The following POLR3H variants were observed in gnomAD, a reference collection of about 807,000 sequenced individuals.
POLR3H encodes DNA-directed RNA polymerase III subunit RPC8.
Under a neutral mutation model 25.5 loss-of-function variants are expected in POLR3H, and 17 were observed. The ratio of observed to expected loss-of-function variants is 0.67; its 90% CI spans 0.46 to 1.00. The LOEUF is 1.00. Among genes scored for constraint, POLR3H ranks in the 50% least tolerant of loss-of-function variants. The pLI, the probability that POLR3H is intolerant of heterozygous loss-of-function variation, is 0.00. For synonymous variants in POLR3H, 129 were observed against 103.0 expected (o/e 1.25, Z -1.53); for missense variants, 274 against 265.0 (o/e 1.03, Z -0.24).
intron 5 of POLR3H, 107 bp from the exon 6 acceptor site, chr22:41,529,443 G>C: frequency 1.1e-6 from 1 of 944,872 alleles, no homozygotes; most frequent in Non-Finnish European, 1.7e-6. Flanking sequence ...AAGAAGAGGC[G>C]GGGCACACGG....
rs1251825137 is a variant in POLR3H, at chr22:41,544,412, C to T, written c.-311G>A. The T allele has an allele frequency of 2.4e-5, 5 of 210,840 alleles. No homozygotes were observed. Among genetic ancestry groups the T allele is most frequent in the African/African-American group, 1.7e-4 (5 of 28,856 alleles). 13.1% of individuals were successfully genotyped at this position (210,840 alleles called of 1,614,324 possible). A position where few individuals can be genotyped will look rare whatever the true frequency, so the allele number is the denominator to read the frequency against. On this transcript the variant is annotated 5_prime_UTR_variant, in exon 1 of 6. Coordinates refer to ENST00000355209, the MANE Select transcript of POLR3H (RefSeq NM_001018050.4). ...GCCCCGCACCCGCGCCACGTGCCGC[C>T]GCTCGTATCACGCACCACGCACCAC...
At chr22:41,536,897 A>G (rs937189451) in intron 2 of POLR3H, among the ~76,000 whole-genome samples, 5 of 152,002 alleles carry the variant, frequency 3.3e-5, no homozygotes, top group Non-Finnish European at 7.4e-5. Context: ...GCTTTAAAAA[A>G]AAAAAGGTGG....
rs760020056 is a variant in POLR3H, at chr22:41,527,417, C to T, written c.*1866G>A. 1 of 1,610,368 alleles carries T rather than the reference C, an allele frequency of 6.2e-7. No individual in the cohort carries two copies. The highest frequency in any genetic ancestry group is 8.5e-7 in the Non-Finnish European group (1 of 1,178,714). On this transcript the variant is annotated 3_prime_UTR_variant, in exon 6 of 6. Coordinates refer to ENST00000355209, the MANE Select transcript of POLR3H (RefSeq NM_001018050.4). ...CATCACCAAGAGCTTTGCCAGGATC[C>T]ACGGTGAGCTGGAGTCTGTACCCAG...
rs776419185 is a variant in POLR3H at position 41,540,734 on chromosome 22, T to C, written c.173A>G (p.Tyr58Cys). The change falls in exon 2 of 6, where the codon TAT (tyrosine) becomes TGT (cysteine). Residue 58 changes from tyrosine to cysteine, a missense_variant. Coordinates refer to ENST00000355209, the MANE Select transcript of POLR3H (RefSeq NM_001018050.4). ...TGATGCGCCATCCCCAGGGAATACATAGGCATCCTCCAGTTTGGTGATATC... is the reference window on the plus strand; with the variant it reads ...TGATGCGCCATCCCCAGGGAATACACAGGCATCCTCCAGTTTGGTGATATC... ...LFDITKLEDA[Y>C]VFPGDGASHT... 10 of 1,614,088 alleles carry C rather than the reference T, an allele frequency of 6.2e-6. No individual in the cohort carries two copies. The highest frequency in any genetic ancestry group is 2.2e-5 in the South Asian group (2 of 91,078).
At position 41,529,078 on chromosome 22, in the gene POLR3H, CCA is replaced by C. The variant is rs1439874509; in HGVS notation, c.*203_*204del. The C allele has an allele frequency of 2.7e-5, 16 of 586,808 alleles. No homozygotes were observed. The highest frequency in any genetic ancestry group is 4.8e-5 in the Non-Finnish European group (16 of 330,916). 36.4% of individuals were successfully genotyped at this position (586,808 alleles called of 1,614,324 possible). A position where few individuals can be genotyped will look rare whatever the true frequency, so the allele number is the denominator to read the frequency against. On this transcript the variant is annotated 3_prime_UTR_variant, in exon 6 of 6. Transcript: ENST00000355209. ...GTCAGTGGAGGCCCAACAGCCACAGCCACAGATGGATCCATCACTGCAGTGAA... is the reference window on the plus strand; with the variant it reads ...GTCAGTGGAGGCCCAACAGCCACAGCCAGATGGATCCATCACTGCAGTGAA...
Position 41,527,273 on chromosome 22 carries a change from C to A in POLR3H, c.*2010G>T, listed in dbSNP as rs756925213. On this transcript the variant is annotated 3_prime_UTR_variant, in exon 6 of 6. Transcript: ENST00000355209. ...CCTCCTCTGCCTTATAACCTTACCC[C>A]CGCTTGCCTGACAGAAACATGGCAT... 12 of 1,614,164 alleles carry A rather than the reference C, an allele frequency of 7.4e-6. No homozygotes were observed. The South Asian group carries it at 1.2e-4, about 16-fold the overall frequency.
At chr22:41,541,887 C>T (rs916144087) in intron 1 of POLR3H, among the ~76,000 whole-genome samples, 2 of 152,196 alleles carry the variant, frequency 1.3e-5, no homozygotes, top group Non-Finnish European at 2.9e-5. Context: ...CTGTCTCATG[C>T]GTAAAGCCAG....
chr22:41,539,353 A>G (rs1370231078), intron 2 of POLR3H: 2 of 152,182 alleles, frequency 1.3e-5, no homozygotes. Context: ...CTGAGTGCCC[A>G]AGGGATGGCA....
At position 41,530,676 on chromosome 22, in the gene POLR3H, G is replaced by A. The variant is rs762533640; in HGVS notation, c.561+11C>T. On this transcript the variant is annotated intron_variant, in intron 5 of 5. Coordinates refer to ENST00000355209, the MANE Select transcript of POLR3H (RefSeq NM_001018050.4). ...CCTCATGGGGGCTTCAGCACCATCA[G>A]AGCCACTCACCACAAGCGTGTACGG... The A allele has an allele frequency of 1.7e-5, 28 of 1,608,662 alleles. No individual in the cohort carries two copies. In the South Asian group the frequency reaches 2.8e-4, roughly 16 times the overall value.
chr22:41,538,977 T>A (rs2066890130), intron 2 of POLR3H, among the ~76,000 whole-genome samples: 1 of 152,128 alleles, frequency 6.6e-6, no homozygotes, highest in Non-Finnish European at 1.5e-5. Context: ...AAAACAGTCT[T>A]TGGGGCTGGG....
chr22:41,527,611 C>G lies in POLR3H; in HGVS notation c.*1672G>C. 1.1e-6 allele frequency: 1 copy of G among 883,068 alleles called. No homozygotes were observed. The highest frequency in any genetic ancestry group is 1.7e-6 in the Non-Finnish European group (1 of 594,272). 54.7% of individuals were successfully genotyped at this position (883,068 alleles called of 1,614,324 possible). A position where few individuals can be genotyped will look rare whatever the true frequency, so the allele number is the denominator to read the frequency against. On this transcript the variant is annotated 3_prime_UTR_variant, in exon 6 of 6. Transcript: ENST00000355209. ...GCTCAGCTTCCCGGCTTCCCGCAGG[C>G]CCTGCTTCCAGGCTTGTAGATCTGA...
intron 4 of POLR3H, 37 bp from the exon 5 acceptor site, chr22:41,530,925 T>C: frequency 6.2e-7 from 1 of 1,602,266 alleles, no homozygotes; most frequent in Non-Finnish European, 8.5e-7. Flanking sequence ...AACCAGATAG[T>C]GGGAGGGGCT....
chr22:41,533,933 G>A (rs2066795410), intron 2 of POLR3H, among the ~76,000 whole-genome samples: 1 of 152,180 alleles, frequency 6.6e-6, no homozygotes, highest in Non-Finnish European at 1.5e-5. Flanking sequence ...GAGGTCAGGA[G>A]TTTGAGACCA....
At position 41,530,672 on chromosome 22, in the gene POLR3H, A is replaced by G. The variant is rs1186886685; in HGVS notation, c.561+15T>C. ...CCCGCCTCATGGGGGCTTCAGCACC[A>G]TCAGAGCCACTCACCACAAGCGTGT... On this transcript the variant is annotated intron_variant, in intron 5 of 5. Transcript: ENST00000355209. 3 of 1,607,252 alleles carry G rather than the reference A, an allele frequency of 1.9e-6. No homozygotes were observed. The highest frequency in any genetic ancestry group is 3.3e-5 in the Admixed American group (2 of 59,726).
chr22:41,544,096 G>A lies in POLR3H; in HGVS notation c.6C>T (p.Phe2=). ...CGGTGTCCACCATTTCCACCAGGACGAACATCCCGGCCTGCGCTGGGGGCT... is the reference window on the plus strand; with the variant it reads ...CGGTGTCCACCATTTCCACCAGGACAAACATCCCGGCCTGCGCTGGGGGCT... M[F]VLVEMVDTVR... is the part of the protein sequence containing the mutation. The change falls in exon 1 of 6, where the codon TTC becomes TTT. Residue 2 remains phenylalanine, a synonymous_variant. Transcript: ENST00000355209. 7 of 1,606,470 alleles carry A rather than the reference G, an allele frequency of 4.4e-6. No homozygotes were observed. The highest frequency in any genetic ancestry group is 6.0e-6 in the Non-Finnish European group (7 of 1,174,184).
At chr22:41,534,136 C>CAA (rs939200891) in intron 2 of POLR3H, among the ~76,000 whole-genome samples, 10 of 132,896 alleles carry the variant, frequency 7.5e-5, no homozygotes, top group East Asian at 4.4e-4. Flanking sequence ...GACTCCGTCT[C>CAA]AAAAAAAAAA....
Position 41,526,475 on chromosome 22 carries a change from C to T in POLR3H, c.*2808G>A. ...CAAGGTGGGTCAGAGTTGATAGGGG[C>T]AATGCCAGTGGTCACTCCTGAAGGG... is the stretch of plus-strand genomic sequence containing the variant. On this transcript the variant is annotated 3_prime_UTR_variant, in exon 6 of 6. Transcript: ENST00000355209. 1.9e-6 allele frequency: 3 copies of T among 1,601,434 alleles called. No homozygotes were observed. Among genetic ancestry groups the T allele is most frequent in the African/African-American group, 1.3e-5 (1 of 74,906 alleles).
chr22:41,532,734 A>G lies in POLR3H; in HGVS notation c.220T>C (p.Cys74Arg), dbSNP rs1280824044. ...GASHTKVHFR[C>R]VVFHPFLDEI... ...TCTAGGAATGGATGAAACACCACGCAGCGAAAATGGACTGGAAATGAAGAC... is the reference window on the plus strand; with the variant it reads ...TCTAGGAATGGATGAAACACCACGCGGCGAAAATGGACTGGAAATGAAGAC... Residue 74 changes from cysteine to arginine, a missense_variant, in exon 3 of 6, where the codon TGC becomes CGC. Cys to Arg is a radical substitution (Grantham distance 180, BLOSUM62 -3). Transcript: ENST00000355209. The G allele has an allele frequency of 6.2e-7, 1 of 1,613,944 alleles. No homozygotes were observed. Among genetic ancestry groups the G allele is most frequent in the Admixed American group, 1.7e-5 (1 of 59,998 alleles).
In POLR3H at chr22:41,532,683, CT is replaced by C; in HGVS notation, c.270del (p.Gly91AlafsTer11). ...CCGTGCACTCCTTCTGGGCTGCAGC[CT>C]TTGATCTTCCCAATGAGAATCTCAT... ...FLDEILIGKIKGCSPEGVHVS... is the reference protein window; with the variant it reads ...FLDEILIGKIXGCSPEGVHVS... On this transcript the variant is annotated frameshift_variant, in exon 3 of 6. Transcript: ENST00000355209. LOFTEE classifies it high-confidence loss of function. The C allele has an allele frequency of 1.2e-6, 2 of 1,614,120 alleles. No individual in the cohort carries two copies. Among genetic ancestry groups the C allele is most frequent in the Non-Finnish European group, 1.7e-6 (2 of 1,179,986 alleles).
Sources: gnomAD v4.1 joint callset for allele counts (sites outside exome capture counted in the v4.1 genomes callset) on GRCh38, gnomAD v4.1.1 for gene constraint, MANE v1.5 for transcripts, NCBI Gene and HGNC (gene_info 2026-07-23, HGNC 2026-07-21) for gene names.